The following ZDHHC7 variants were observed in gnomAD, a reference collection of about 807,000 sequenced individuals.
The protein encoded by ZDHHC7 is palmitoyltransferase ZDHHC7.
In ZDHHC7, 12 loss-of-function variants were observed where a neutral mutation model predicts 34.1. The ratio of observed to expected loss-of-function variants is 0.35; its 90% CI spans 0.23 to 0.57. The LOEUF (loss-of-function observed/expected upper bound fraction) is 0.57, where lower values mean the gene tolerates loss of function less well. Among genes scored for constraint, ZDHHC7 ranks in the 20% least tolerant of loss-of-function variants. ZDHHC7 has a pLI of 0.84. For missense variants in ZDHHC7, 388 were observed against 402.7 expected (o/e 0.96, Z 0.31); for synonymous variants, 185 against 155.4 (o/e 1.19, Z -1.42).
the ZDHHC7 span, among the ~76,000 whole-genome samples, chr16:85,020,932 C>A: frequency 6.6e-6 from 1 of 151,750 alleles, no homozygotes; most frequent in East Asian, 1.9e-4. Flanking sequence ...TAGTGAGTCC[C>A]CATCTCAACA....
intron 3 of ZDHHC7, among the ~76,000 whole-genome samples, chr16:84,983,143 G>A (rs1043999500): frequency 5.3e-5 from 8 of 152,202 alleles, no homozygotes; most frequent in South Asian, 2.1e-4. Context: ...TGCACTTCAC[G>A]TAGAAATCAC....
chr16:85,017,591 T>C, the ZDHHC7 span, among the ~76,000 whole-genome samples: 107,168 of 152,084 alleles, frequency 0.7, 39,111 homozygotes, highest in African/African-American at 0.9. Context: ...GTGGCGTATT[T>C]GTGCAATGAA....
the ZDHHC7 span, among the ~76,000 whole-genome samples, chr16:85,021,013 G>C: frequency 6.6e-6 from 1 of 151,898 alleles, no homozygotes; most frequent in Non-Finnish European, 1.5e-5. Flanking sequence ...GCTGAGGTGG[G>C]AGGATCGCTT....
At chr16:84,983,422 G>A (rs1360518193) in intron 3 of ZDHHC7, among the ~76,000 whole-genome samples, 2 of 152,130 alleles carry the variant, frequency 1.3e-5, no homozygotes, top group East Asian at 3.9e-4. Flanking sequence ...GCAGGTGAGC[G>A]CCCTGCAGAG....
chr16:85,012,855 C>T (rs1318515588), upstream of ZDHHC7, among the ~76,000 whole-genome samples: 1 of 151,970 alleles, frequency 6.6e-6, no homozygotes, highest in South Asian at 2.1e-4. Context: ...TGCAGTGGGC[C>T]GAGATCGCGC....
In ZDHHC7 at chr16:84,975,039, G is replaced by A. The variant is rs3203781; in HGVS notation, c.*1304C>T. ...TTTGTCACAGATTGCTTCTTGATGC[G>A]TCCGGCAAAAAATGTACAAACCAGG... On this transcript the variant is annotated 3_prime_UTR_variant, in exon 8 of 8. Transcript: ENST00000313732. 18,751 of 152,670 alleles carry A rather than the reference G, an allele frequency of 0.12. 1,258 individuals are homozygous for A. Among genetic ancestry groups the A allele is most frequent in the Middle Eastern group, 0.17 (51 of 294 alleles). 9.5% of individuals were successfully genotyped at this position (152,670 alleles called of 1,614,324 possible).
the ZDHHC7 span, among the ~76,000 whole-genome samples, chr16:85,024,804 C>A: frequency 6.6e-6 from 1 of 152,168 alleles, no homozygotes; most frequent in African/African-American, 2.4e-5. Context: ...TCCAGTTATT[C>A]CAACAATCTG....
intron 1 of ZDHHC7, among the ~76,000 whole-genome samples, chr16:85,003,936 G>A (rs145396985): frequency 1.6e-4 from 24 of 152,224 alleles, no homozygotes; most frequent in African/African-American, 5.1e-4. Flanking sequence ...CCATGTAAAC[G>A]CCGGGAGCAC....
chr16:85,012,425 ACT>A (rs1388929286), upstream of ZDHHC7, among the ~76,000 whole-genome samples: 2 of 150,574 alleles, frequency 1.3e-5, no homozygotes, highest in African/African-American at 4.9e-5. Flanking sequence ...TAAAATTATG[ACT>A]CTCACACAAA....
upstream of ZDHHC7, among the ~76,000 whole-genome samples, chr16:85,015,067 A>C (rs2072828572): frequency 1.3e-5 from 2 of 151,686 alleles, no homozygotes; most frequent in African/African-American, 4.8e-5. Context: ...CATCAATGTG[A>C]AGCCTCCAAG....
At chr16:84,979,894 G>A (rs1205229395) in intron 4 of ZDHHC7, among the ~76,000 whole-genome samples, 1 of 150,226 alleles carries the variant, frequency 6.7e-6, no homozygotes, top group Non-Finnish European at 1.5e-5. Context: ...ATTACATCAA[G>A]CAGACATCGA....
chr16:85,002,206 AATG>A (rs2072662195), intron 1 of ZDHHC7, among the ~76,000 whole-genome samples: 1 of 152,168 alleles, frequency 6.6e-6, no homozygotes, highest in African/African-American at 2.4e-5. Context: ...GAGTCCGAGG[AATG>A]CCTGTGGCTC....
At chr16:85,010,138 G>C (rs2072771783) in intron 1 of ZDHHC7, among the ~76,000 whole-genome samples, 2 of 149,188 alleles carry the variant, frequency 1.3e-5, no homozygotes, top group Admixed American at 1.4e-4. Flanking sequence ...CCCCACCTCA[G>C]CCTCCCAAGC....
At chr16:84,981,282 G>C (rs1162650823) in intron 4 of ZDHHC7, among the ~76,000 whole-genome samples, 1 of 152,170 alleles carries the variant, frequency 6.6e-6, no homozygotes, top group South Asian at 2.1e-4. Flanking sequence ...CAGATAACTG[G>C]ACTGTGGCTT....
At chr16:84,982,461 C>T (rs942825197) in intron 3 of ZDHHC7, among the ~76,000 whole-genome samples, 34 of 152,220 alleles carry the variant, frequency 2.2e-4, no homozygotes, top group African/African-American at 8.2e-4. Flanking sequence ...AGGCTTATTC[C>T]CAGACAAGGG....
In ZDHHC7 at chr16:84,977,200, T is replaced by C; in HGVS notation, c.645A>G (p.Ile215Met). The C allele has an allele frequency of 6.2e-7, 1 of 1,614,172 alleles. No homozygotes were observed. The highest frequency in any genetic ancestry group is 8.5e-7 in the Non-Finnish European group (1 of 1,180,028). ...WTECSDFSPPITVILLIFLCL... is the reference protein window; with the variant it reads ...WTECSDFSPPMTVILLIFLCL... ...ACAGGAAGATCAACAGGATTACAGT[T>C]ATCGGAGGTGAAAAATCACTGCATT... The change falls in exon 7 of 8, where the codon ATA becomes ATG. Residue 215 changes from isoleucine to methionine, a missense_variant. Transcript: ENST00000313732.
intron 4 of ZDHHC7, 117 bp downstream of exon 4, chr16:84,981,753 T>A (rs1029282800): frequency 9.5e-6 from 15 of 1,575,644 alleles, no homozygotes; most frequent in Middle Eastern, 2.3e-4. Flanking sequence ...CCGTACAACG[T>A]TGCCCAGATG....
At chr16:84,984,717 T>C (rs3930432) in intron 3 of ZDHHC7, among the ~76,000 whole-genome samples, 65,840 of 151,924 alleles carry the variant, frequency 0.43, 14,865 homozygotes, top group African/African-American at 0.54. Context: ...GCTCAGAACC[T>C]TGGGCAGACA....
Position 84,979,295 on chromosome 16 carries a change from A to G in ZDHHC7, c.441-10T>C. 1.2e-6 allele frequency: 2 copies of G among 1,607,954 alleles called. No individual in the cohort carries two copies. Among genetic ancestry groups the G allele is most frequent in the Non-Finnish European group, 1.7e-6 (2 of 1,178,746 alleles). On this transcript the variant is annotated splice_polypyrimidine_tract_variant and intron_variant, in intron 4 of 7. Coordinates refer to ENST00000313732, the MANE Select transcript of ZDHHC7 (RefSeq NM_017740.3). ...ACATCTTTTGCAAATACTGAAAAGGAGAGTTTGATTTTTCAGTATTCCATG... is the reference window on the plus strand; with the variant it reads ...ACATCTTTTGCAAATACTGAAAAGGGGAGTTTGATTTTTCAGTATTCCATG...
Sources: allele counts gnomAD v4.1 joint callset (sites outside exome capture counted in the v4.1 genomes callset), GRCh38; gene constraint gnomAD v4.1.1; transcripts MANE v1.5; gene names NCBI Gene and HGNC (gene_info 2026-07-23, HGNC 2026-07-21).